CRACR2A: variants seen among roughly 807,000 people sequenced by gnomAD.
The protein encoded by CRACR2A is EF-hand calcium-binding domain-containing protein 4B.
A neutral mutation model predicts 90.5 loss-of-function variants in CRACR2A; 79 were observed. That is an observed-to-expected ratio of 0.87 (90% CI 0.73 to 1.05). The LOEUF is 1.05. CRACR2A is among the 50% of genes least tolerant of loss of function. The probability of loss-of-function intolerance (pLI) is 0.00; values close to 1 mark genes in which losing one functional copy is unlikely to be tolerated. For synonymous variants in CRACR2A, 338 were observed against 356.7 expected (o/e 0.95, Z 0.59); for missense variants, 823 against 897.2 (o/e 0.92, Z 1.06).
At chr12:3,682,279 G>A (rs1945470168) in intron 4 of CRACR2A, among the ~76,000 whole-genome samples, 2 of 152,172 alleles carry the variant, frequency 1.3e-5, no homozygotes. Flanking sequence ...GAAATGAGCT[G>A]CAAGAAAATT....
In CRACR2A at chr12:3,615,391, G is replaced by C. The variant is rs1291589965; in HGVS notation, c.2160C>G (p.Val720=). Residue 720 remains valine, a synonymous_variant, in exon 20 of 20, where the codon GTC becomes GTG. Transcript: ENST00000440314. ...EDTVREDTIQ[V]GHPAKKKSCC... is the part of the protein sequence containing the mutation. ...AGGATTTCTTCTTAGCAGGGTGGCC[G>C]ACCTGAATGGTGTCCTCTCTCACTG... 4.5e-6 allele frequency: 7 copies of C among 1,551,530 alleles called. No homozygotes were observed. Among genetic ancestry groups the C allele is most frequent in the Non-Finnish European group, 6.1e-6 (7 of 1,146,890 alleles).
intron 17 of CRACR2A, among the ~76,000 whole-genome samples, chr12:3,626,412 G>A (rs962127827): frequency 3.3e-5 from 5 of 152,222 alleles, no homozygotes; most frequent in African/African-American, 1.2e-4. Context: ...TAGGCAGCAC[G>A]GAGTCCAGTG....
chr12:3,688,364 T>C (rs1406363081), intron 4 of CRACR2A, among the ~76,000 whole-genome samples: 3 of 152,332 alleles, frequency 2.0e-5, no homozygotes, highest in East Asian at 1.9e-4. Context: ...TTTTGTTTTG[T>C]ATATTGTAAG....
At chr12:3,656,077 C>T (rs1363531275) in intron 9 of CRACR2A, among the ~76,000 whole-genome samples, 1 of 152,148 alleles carries the variant, frequency 6.6e-6, no homozygotes, top group Admixed American at 6.5e-5. Context: ...CTGCAGATAC[C>T]TCGTGGGGGA....
chr12:3,615,719 A>G (rs959793519), intron 19 of CRACR2A, among the ~76,000 whole-genome samples: 5 of 152,202 alleles, frequency 3.3e-5, no homozygotes, highest in African/African-American at 1.2e-4. Context: ...TGCCCCTGAC[A>G]GCATCTGACC....
chr12:3,650,246 C>T (rs1012171342), intron 10 of CRACR2A, among the ~76,000 whole-genome samples: 2 of 152,210 alleles, frequency 1.3e-5, no homozygotes, highest in African/African-American at 4.8e-5. Context: ...ACTGCACCAA[C>T]ATGCTGGCCC....
intron 10 of CRACR2A, among the ~76,000 whole-genome samples, chr12:3,653,076 A>ATG (rs879882526): frequency 0.076 from 11,522 of 151,680 alleles, 462 homozygotes; most frequent in Non-Finnish European, 0.085. Context: ...TCTGCCTCCC[A>ATG]GGTTCAAGCC....
chr12:3,692,403 G>A (rs1294639989), intron 4 of CRACR2A, among the ~76,000 whole-genome samples: 1 of 151,348 alleles, frequency 6.6e-6, no homozygotes, highest in African/African-American at 2.4e-5. Context: ...ATTTTAGGGG[G>A]CCAATGCTCA....
At chr12:3,621,925 G>A (rs1335942656) in intron 17 of CRACR2A, among the ~76,000 whole-genome samples, 1 of 152,046 alleles carries the variant, frequency 6.6e-6, no homozygotes, top group Non-Finnish European at 1.5e-5. Flanking sequence ...CAGGGAGTGT[G>A]CTAACTATCA....
chr12:3,670,183 G>T (rs760419778), intron 7 of CRACR2A, among the ~76,000 whole-genome samples: 2 of 152,286 alleles, frequency 1.3e-5, no homozygotes, highest in South Asian at 4.1e-4. Context: ...ACTGTGTTCC[G>T]CCTGGTGCCT....
In CRACR2A at chr12:3,725,132, T is replaced by C. The variant is rs558273403; in HGVS notation, c.-118+7810A>G. On this transcript the variant is annotated intron_variant, in intron 2 of 19. Coordinates refer to ENST00000440314, the MANE Select transcript of CRACR2A (RefSeq NM_001144958.2). ...CCTGCTTTCACTCACTTTGCTTCCA[T>C]ATGAGAAAGGCTCTCCCACATCTCT... is the stretch of plus-strand genomic sequence containing the variant. 5.9e-5 allele frequency among the ~76,000 whole-genome samples: 9 copies of C among 152,272 alleles called. No individual in the cohort carries two copies. The South Asian group carries it at 1.7e-3, about 28-fold the overall frequency.
intron 19 of CRACR2A, 100 bp downstream of exon 19, chr12:3,616,854 G>C: frequency 1.1e-6 from 1 of 920,184 alleles, no homozygotes; most frequent in South Asian, 1.5e-5. Context: ...AGGAAGGGGG[G>C]TCAGAGGTGT....
chr12:3,644,466 T>G (rs1265958080), intron 12 of CRACR2A, 129 bp downstream of exon 12: 30 of 981,162 alleles, frequency 3.1e-5, no homozygotes, highest in Non-Finnish European at 4.4e-5. Context: ...CAAAACGTTT[T>G]CATGCCGTCA....
intron 7 of CRACR2A, among the ~76,000 whole-genome samples, chr12:3,668,241 T>C (rs1945181883): frequency 6.6e-6 from 1 of 152,184 alleles, no homozygotes; most frequent in South Asian, 2.1e-4. Flanking sequence ...AGGACTAGCA[T>C]TCCAGATTGG....
At chr12:3,710,935 G>C (rs1945999048) in intron 3 of CRACR2A, among the ~76,000 whole-genome samples, 1 of 152,112 alleles carries the variant, frequency 6.6e-6, no homozygotes, top group Admixed American at 6.6e-5. Context: ...TCAACATAAT[G>C]AGTTTTAAAG....
chr12:3,661,614 C>T (rs1199376818), intron 7 of CRACR2A, among the ~76,000 whole-genome samples: 1 of 152,164 alleles, frequency 6.6e-6, no homozygotes, highest in Non-Finnish European at 1.5e-5. Flanking sequence ...AGGAAAAAGG[C>T]TCATGCTATT....
intron 2 of CRACR2A, among the ~76,000 whole-genome samples, chr12:3,723,315 G>A (rs1946211435): frequency 6.6e-6 from 1 of 152,084 alleles, no homozygotes; most frequent in Admixed American, 6.5e-5. Context: ...CTTCTCTAAT[G>A]GTGCTTGCTC....
At chr12:3,621,393 CTTCT>C (rs1382097752) in intron 17 of CRACR2A, among the ~76,000 whole-genome samples, 2 of 146,498 alleles carry the variant, frequency 1.4e-5, no homozygotes, top group African/African-American at 5.0e-5. Flanking sequence ...GGGCAGGTTT[CTTCT>C]TTTTTTTTTT....
intron 1 of CRACR2A, among the ~76,000 whole-genome samples, chr12:3,745,798 A>AAT (rs1946608734): frequency 3.3e-4 from 2 of 6,026 alleles, no homozygotes; most frequent in Non-Finnish European, 7.0e-4. Flanking sequence ...AATAAAATAA[A>AAT]ATAAAATAAA....
Sources: gnomAD v4.1 joint callset for allele counts (sites outside exome capture counted in the v4.1 genomes callset) on GRCh38, gnomAD v4.1.1 for gene constraint, MANE v1.5 for transcripts, NCBI Gene and HGNC (gene_info 2026-07-23, HGNC 2026-07-21) for gene names.